PPM1L: variants seen among roughly 807,000 people sequenced by gnomAD.
PPM1L encodes protein phosphatase, Mg2+/Mn2+ dependent 1L.
Under a neutral mutation model 31.4 loss-of-function variants are expected in PPM1L, and 13 were observed. The ratio of observed to expected loss-of-function variants is 0.41; its 90% CI spans 0.27 to 0.66. PPM1L has a LOEUF of 0.66. Among genes scored for constraint, PPM1L ranks in the 30% least tolerant of loss-of-function variants. PPM1L has a pLI of 0.29. For missense variants in PPM1L, 326 were observed against 453.7 expected (o/e 0.72, Z 2.56); for synonymous variants, 184 against 175.4 (o/e 1.05, Z -0.39).
chr3:160,853,731 A>G (rs1241908893), intron 1 of PPM1L, among the ~76,000 whole-genome samples: 1 of 152,202 alleles, frequency 6.6e-6, no homozygotes, highest in Non-Finnish European at 1.5e-5. Context: ...ATTTTATCAA[A>G]TAAATAATCT....
chr3:160,853,931 T>TCTGCCTATACTGGACTTTCCC (rs1315992904), intron 1 of PPM1L, among the ~76,000 whole-genome samples: 1 of 151,332 alleles, frequency 6.6e-6, no homozygotes, highest in Non-Finnish European at 1.5e-5. Context: ...TTAACTTTTC[T>TCTGCCTATACTGGACTTTCCC]TTGCCTATAC....
chr3:160,963,849 G>A lies in PPM1L; in HGVS notation c.574+1939G>A, dbSNP rs1716049778. On this transcript the variant is annotated intron_variant, in intron 2 of 3. Transcript: ENST00000498165. ...ATGGCTTTTAGGGGCAAATAGTTTGGCATAGAATTAATCTGTCAATAAGCC... is the reference window on the plus strand; with the variant it reads ...ATGGCTTTTAGGGGCAAATAGTTTGACATAGAATTAATCTGTCAATAAGCC... Among the ~76,000 whole-genome samples, 2 of 151,990 alleles carry A rather than the reference G, an allele frequency of 1.3e-5. 1 individual carries two copies. Among genetic ancestry groups the A allele is most frequent in the Admixed American group, 1.3e-4 (2 of 15,200 alleles).
At chr3:160,813,434 G>T (rs568800580) in intron 1 of PPM1L, among the ~76,000 whole-genome samples, 21 of 152,260 alleles carry the variant, frequency 1.4e-4, no homozygotes, top group Admixed American at 9.2e-4. Flanking sequence ...CTTCCTCCTG[G>T]GTTGAAGTGA....
At chr3:160,846,677 A>G (rs1303338561) in intron 1 of PPM1L, among the ~76,000 whole-genome samples, 1 of 151,934 alleles carries the variant, frequency 6.6e-6, no homozygotes, top group Non-Finnish European at 1.5e-5. Flanking sequence ...ATATGTTGAC[A>G]GTGTGCATAG....
At chr3:160,953,015 T>C (rs935765722) in intron 1 of PPM1L, among the ~76,000 whole-genome samples, 9 of 152,186 alleles carry the variant, frequency 5.9e-5, no homozygotes, top group African/African-American at 2.2e-4. Context: ...TCTTAAACTT[T>C]TTATCTTGGC....
At chr3:160,844,717 A>G (rs1022543340) in intron 1 of PPM1L, among the ~76,000 whole-genome samples, 5 of 152,196 alleles carry the variant, frequency 3.3e-5, no homozygotes, top group Admixed American at 2.6e-4. Flanking sequence ...AATTTTTTCT[A>G]TGTTTTTTAA....
At chr3:160,970,055 T>C (rs1716272098) in intron 2 of PPM1L, among the ~76,000 whole-genome samples, 1 of 152,248 alleles carries the variant, frequency 6.6e-6, no homozygotes, top group Admixed American at 6.5e-5. Flanking sequence ...TATTTTATGC[T>C]GTTATAAACT....
At chr3:161,025,723 T>C (rs1718366241) in intron 2 of PPM1L, among the ~76,000 whole-genome samples, 1 of 152,200 alleles carries the variant, frequency 6.6e-6, no homozygotes, top group Non-Finnish European at 1.5e-5. Flanking sequence ...GTGAGAAAAT[T>C]AATTTCTGTT....
At position 161,069,100 on chromosome 3, in the gene PPM1L, C is replaced by T. The variant is rs768124176; in HGVS notation, c.1026C>T (p.Asp342=). ...VLQSFYRGCP[D]NITVMVVKFR... ...AGTCATTTTACAGAGGCTGCCCTGA[C>T]AATATAACAGTCATGGTGGTGAAGT... Residue 342 remains aspartate, a synonymous_variant, in exon 4 of 4, where the codon GAC becomes GAT. Coordinates refer to ENST00000498165, the MANE Select transcript of PPM1L (RefSeq NM_139245.4). 2 of 1,614,126 alleles carry T rather than the reference C, an allele frequency of 1.2e-6. No homozygotes were observed. The highest frequency in any genetic ancestry group is 1.7e-6 in the Non-Finnish European group (2 of 1,180,016).
At chr3:160,925,534 T>C (rs1714556606) in intron 1 of PPM1L, among the ~76,000 whole-genome samples, 1 of 152,164 alleles carries the variant, frequency 6.6e-6, no homozygotes, top group Non-Finnish European at 1.5e-5. Flanking sequence ...TGAGTCCTCG[T>C]GTTCTCAGGA....
chr3:160,954,179 A>G (rs1715660837), intron 1 of PPM1L, among the ~76,000 whole-genome samples: 1 of 152,218 alleles, frequency 6.6e-6, no homozygotes, highest in African/African-American at 2.4e-5. Context: ...ATACGCTAAC[A>G]CATTTAAAGC....
In PPM1L at chr3:160,868,390, G is replaced by A. The variant is rs146818989; in HGVS notation, c.400-93346G>A. ...CAAGGCACCCTGCCAAGACTTCGGTGTCGGGGGAACTAGAGAATTAGGGTA... is the reference window on the plus strand; with the variant it reads ...CAAGGCACCCTGCCAAGACTTCGGTATCGGGGGAACTAGAGAATTAGGGTA... On this transcript the variant is annotated intron_variant, in intron 1 of 3. Coordinates refer to ENST00000498165, the MANE Select transcript of PPM1L (RefSeq NM_139245.4). Among the ~76,000 whole-genome samples the A allele has an allele frequency of 3.3e-5, 5 of 152,334 alleles. No homozygotes were observed. In the East Asian group the frequency reaches 5.8e-4, roughly 18 times the overall value.
At chr3:160,930,487 A>G (rs533455143) in intron 1 of PPM1L, among the ~76,000 whole-genome samples, 2 of 152,194 alleles carry the variant, frequency 1.3e-5, no homozygotes, top group Non-Finnish European at 2.9e-5. Context: ...TTGAGGTAGT[A>G]TTGTTCATAA....
chr3:160,756,891 G>A lies in PPM1L; in HGVS notation c.399+184G>A, dbSNP rs964657379. 6.6e-5 allele frequency among the ~76,000 whole-genome samples: 10 copies of A among 152,032 alleles called. No individual in the cohort carries two copies. The highest frequency in any genetic ancestry group is 5.8e-4 in the East Asian group (3 of 5,134). The stretch of plus-strand genomic sequence containing the variant: ...TGGCTGGACAAATGCGGCTCAAGTT[G>A]CCAAAAGCACTGCTGGATCCAGACT... On this transcript the variant is annotated intron_variant, in intron 1 of 3. Coordinates refer to ENST00000498165, the MANE Select transcript of PPM1L (RefSeq NM_139245.4). The surrounding 1 kb of genome is among the most constrained non-coding windows in gnomAD (Gnocchi z 6.2).
chr3:160,906,386 G>A (rs1303770116), intron 1 of PPM1L, among the ~76,000 whole-genome samples: 2 of 152,040 alleles, frequency 1.3e-5, no homozygotes, highest in East Asian at 1.9e-4. Flanking sequence ...GGTGGATCAC[G>A]AGGTCAAGAG....
At chr3:160,869,493 A>G (rs189937748) in intron 1 of PPM1L, among the ~76,000 whole-genome samples, 4 of 151,934 alleles carry the variant, frequency 2.6e-5, no homozygotes, top group Admixed American at 1.3e-4. Context: ...TATGTTAGGC[A>G]TAAGGTTGTA....
At chr3:160,861,984 G>T (rs962808160) in intron 1 of PPM1L, among the ~76,000 whole-genome samples, 3 of 152,106 alleles carry the variant, frequency 2.0e-5, no homozygotes, top group Non-Finnish European at 4.4e-5. Flanking sequence ...AAGTAATGCA[G>T]GAAAATATTC....
intron 1 of PPM1L, among the ~76,000 whole-genome samples, chr3:160,839,957 C>T (rs2108103869): frequency 6.6e-6 from 1 of 152,200 alleles, no homozygotes; most frequent in African/African-American, 2.4e-5. Context: ...AGAGTTGAGA[C>T]ATACGGTTTA....
chr3:160,965,721 TTCTA>T (rs1460774266), intron 2 of PPM1L, among the ~76,000 whole-genome samples: 2 of 152,088 alleles, frequency 1.3e-5, no homozygotes, highest in African/African-American at 4.8e-5. Context: ...CTTCTTTCTA[TTCTA>T]TCTTAGTTTT....
Sources: gnomAD v4.1 joint callset for allele counts (sites outside exome capture counted in the v4.1 genomes callset) on GRCh38, gnomAD v4.1.1 for gene constraint, Gnocchi (gnomAD v3.1) non-coding constraint, MANE v1.5 for transcripts, NCBI Gene and HGNC (gene_info 2026-07-23, HGNC 2026-07-21) for gene names.